TTN: variants seen among roughly 807,000 people sequenced by gnomAD.
TTN encodes connectin.
Under a neutral mutation model 3,223.0 loss-of-function variants are expected in TTN, and 1,525 were observed. The ratio of observed to expected loss-of-function variants is 0.47; its 90% CI spans 0.45 to 0.49. The LOEUF is 0.49. Among genes scored for constraint, TTN ranks in the 20% least tolerant of loss-of-function variants. The pLI, the probability that TTN is intolerant of heterozygous loss-of-function variation, is 0.00. For synonymous variants in TTN, 14,094 were observed against 15,161.0 expected, an observed-to-expected ratio of 0.93 and a Z score of 5.17; for missense variants, 40,786 against 43,424.0, an observed-to-expected ratio of 0.94 and a Z score of 5.40.
Position 178,571,047 on chromosome 2 carries a change from T to C in TTN, c.75085A>G (p.Lys25029Glu). 6.2e-7 allele frequency: 1 copy of C among 1,612,522 alleles called. No individual in the cohort carries two copies. The highest frequency in any genetic ancestry group is 8.5e-7 in the Non-Finnish European group (1 of 1,178,770). Reference protein sequence around the residue: ...TRNSVTLQWKKPTYDGGSKIT... With the variant: ...TRNSVTLQWKEPTYDGGSKIT... ...TTGCTTCCACCGTCATAGGTGGGTT[T>C]CTTCCACTGAAGAGTCACAGAATTC... is the stretch of plus-strand genomic sequence containing the variant. Residue 25029 changes from lysine (K) to glutamate (E), a missense_variant, in exon 326 of 363, where the codon AAA becomes GAA. Transcript: ENST00000589042.
chr2:178,613,557 A>C (rs1281287587), intron 263 of TTN, among the ~76,000 whole-genome samples, 194 bp downstream of exon 263: 1 of 152,000 alleles, frequency 6.6e-6, no homozygotes. Flanking sequence ...TTAATATTTT[A>C]GAGTAAACTA....
rs774603975 is a variant in TTN, at chr2:178,722,955, AC to A, written c.21962-19del. 1.2e-6 allele frequency: 2 copies of A among 1,600,048 alleles called. No individual in the cohort carries two copies. The highest frequency in any genetic ancestry group is 1.7e-6 in the Non-Finnish European group (2 of 1,174,254). On this transcript the variant is annotated intron_variant, in intron 75 of 362. Coordinates refer to ENST00000589042, the MANE Select transcript of TTN (RefSeq NM_001267550.2). ...AGGCGGTTCTAAGGAAGAAAGGCTC[AC>A]AGTTAGCAACTGGAATTAATGAATA... is the stretch of plus-strand genomic sequence containing the variant.
rs768686613 is a variant in TTN at position 178,740,366 on chromosome 2, G to A, written c.12867C>T (p.Pro4289=). 8 of 1,613,416 alleles carry A rather than the reference G, an allele frequency of 5.0e-6. No homozygotes were observed. Among genetic ancestry groups the A allele is most frequent in the South Asian group, 1.1e-5 (1 of 91,058 alleles). The change falls in exon 48 of 363, where the codon CCC becomes CCT. Residue 4289 remains proline, a synonymous_variant. Coordinates refer to ENST00000589042, the MANE Select transcript of TTN (RefSeq NM_001267550.2). The part of the protein sequence containing the change: ...DVMISQVNYE[P]LVPSEHSCTE... ...TGCATGAGTGTTCTGAAGGGACTAGGGGCTCATAGTTTACCTGAGAGATCA... is the reference window on the plus strand; with the variant it reads ...TGCATGAGTGTTCTGAAGGGACTAGAGGCTCATAGTTTACCTGAGAGATCA...
rs747713653 is a variant in TTN at position 178,729,390 on chromosome 2, G to A, written c.18766C>T (p.Leu6256Phe). 3 of 1,613,472 alleles carry A rather than the reference G, an allele frequency of 1.9e-6. No individual in the cohort carries two copies. The highest frequency in any genetic ancestry group is 3.3e-5 in the Admixed American group (2 of 59,956). ...GAAGGGTCACACTTGGTTATATGGA[G>A]GTTAAACACAGACACTCTGTCGGTC... ...TLTDRVSVFN[L>F]HITKCDPSDT... Residue 6256 changes from leucine (L) to phenylalanine (F), a missense_variant, in exon 64 of 363, where the codon CTC becomes TTC. Transcript: ENST00000589042.
rs794729517 is a variant in TTN, at chr2:178,560,237, C to G, written c.85895G>C (p.Gly28632Ala). 1 of 1,613,624 alleles carries G rather than the reference C, an allele frequency of 6.2e-7. No homozygotes were observed. Among genetic ancestry groups the G allele is most frequent in the African/African-American group, 1.3e-5 (1 of 74,886 alleles). The change falls in exon 326 of 363, where the codon GGC becomes GCC. Residue 28632 changes from glycine to alanine, a missense_variant. Transcript: ENST00000589042. ...EYRVYAENAA[G>A]LSLPSETSPL... is the part of the protein sequence containing the mutation. The stretch of plus-strand genomic sequence containing the variant: ...AGAGGTTTCACTTGGAAGACTTAGG[C>G]CAGCAGCATTTTCTGCATAAACACG...
intron 102 of TTN, among the ~76,000 whole-genome samples, chr2:178,705,894 C>T (rs532842383): frequency 6.6e-6 from 1 of 152,290 alleles, no homozygotes; most frequent in South Asian, 2.1e-4. Context: ...TACCTAGGCA[C>T]AGACAATACT....
In TTN at chr2:178,614,658, G is replaced by T. The variant is rs1033904978; in HGVS notation, c.48856C>A (p.Pro16286Thr). Reference sequence around the variant, plus strand: ...TTTGTCCAAGTTATTTTAGGTTCAGGTTTTCCGGTTACGGTGGCAGGAAGT... The same window carrying T: ...TTTGTCCAAGTTATTTTAGGTTCAGTTTTTCCGGTTACGGTGGCAGGAAGT... ...IELPATVTGK[P>T]EPKITWTKAD... is the part of the protein sequence containing the mutation. The change falls in exon 261 of 363, where the codon CCT (proline) becomes ACT (threonine). Residue 16286 changes from proline (P) to threonine (T), a missense_variant. Coordinates refer to ENST00000589042, the MANE Select transcript of TTN (RefSeq NM_001267550.2). 1 of 1,612,348 alleles carries T rather than the reference G, an allele frequency of 6.2e-7. No homozygotes were observed. The highest frequency in any genetic ancestry group is 1.3e-5 in the African/African-American group (1 of 74,902).
At chr2:178,787,197 A>G (rs986142022) in intron 13 of TTN, among the ~76,000 whole-genome samples, 1 of 152,162 alleles carries the variant, frequency 6.6e-6, no homozygotes, top group Admixed American at 6.5e-5. Flanking sequence ...ATATCTTTAA[A>G]AATTATTCTC....
chr2:178,588,496 T>C (rs1430020403), intron 304 of TTN, 42 bp downstream of exon 304: 4 of 1,492,222 alleles, frequency 2.7e-6, no homozygotes, highest in Non-Finnish European at 3.6e-6. Context: ...GTGCTTGAGA[T>C]TAAGAGTTGC....
At chr2:178,690,967 G>T (rs1041503847) in intron 121 of TTN, among the ~76,000 whole-genome samples, 2 of 152,070 alleles carry the variant, frequency 1.3e-5, no homozygotes, top group Non-Finnish European at 2.9e-5. Flanking sequence ...GCTTTGTATG[G>T]GGAAATGTAG....
Position 178,764,303 on chromosome 2 carries a change from C to T in TTN, c.9989-1G>A, listed in dbSNP as rs1419922472. ...TGATCAGGAGACACAACTTCTGGAACTAAAGAAAGAAACCACAAGATTTGT... is the reference window on the plus strand; with the variant it reads ...TGATCAGGAGACACAACTTCTGGAATTAAAGAAAGAAACCACAAGATTTGT... On this transcript the variant is annotated splice_acceptor_variant, in intron 42 of 362. Transcript: ENST00000589042. LOFTEE classifies it high-confidence loss of function. 2 of 1,613,826 alleles carry T rather than the reference C, an allele frequency of 1.2e-6. No homozygotes were observed. The highest frequency in any genetic ancestry group is 1.7e-6 in the Non-Finnish European group (2 of 1,179,912).
In TTN at chr2:178,580,077, C is replaced by T. The variant is rs369257896; in HGVS notation, c.67210G>A (p.Val22404Met). ...RDAERKSWST[V>M]TTECSKTSFR... ...CTTGTTTTGGAGCACTCAGTTGTCA[C>T]TGTAGACCAGGATTTCCTCTCTGCA... The change falls in exon 318 of 363, where the codon GTG (valine) becomes ATG (methionine). Residue 22404 changes from valine to methionine, a missense_variant. Coordinates refer to ENST00000589042, the MANE Select transcript of TTN (RefSeq NM_001267550.2). 8.9e-5 allele frequency: 143 copies of T among 1,613,224 alleles called. No homozygotes were observed. Among genetic ancestry groups the T allele is most frequent in the Non-Finnish European group, 1.2e-4 (141 of 1,179,482 alleles).
rs1405929725 is a variant in TTN at position 178,719,625 on chromosome 2, T to A, written c.23867A>T (p.Lys7956Ile). The A allele has an allele frequency of 6.2e-7, 1 of 1,613,594 alleles. No homozygotes were observed. The highest frequency in any genetic ancestry group is 8.5e-7 in the Non-Finnish European group (1 of 1,179,726). Residue 7956 changes from lysine to isoleucine, a missense_variant, in exon 82 of 363, where the codon AAA (lysine) becomes ATA (isoleucine). By Grantham distance (102) the Lys-to-Ile change is moderately radical (BLOSUM62 -3). Coordinates refer to ENST00000589042, the MANE Select transcript of TTN (RefSeq NM_001267550.2). ...LKIPCAEMSDKGLYSFEVKNS... is the reference protein window; with the variant it reads ...LKIPCAEMSDIGLYSFEVKNS... The stretch of plus-strand genomic sequence containing the variant: ...TTTCACTTCAAAGCTATATAATCCT[T>A]TGTCACTCATTTCGGCACAGGGGAT...
rs1415718775 is a variant in TTN, at chr2:178,564,849, C to T, written c.81283G>A (p.Glu27095Lys). 1.2e-6 allele frequency: 2 copies of T among 1,613,254 alleles called. No individual in the cohort carries two copies. The highest frequency in any genetic ancestry group is 1.1e-5 in the South Asian group (1 of 91,000). Residue 27095 changes from glutamate to lysine, a missense_variant, in exon 326 of 363, where the codon GAG becomes AAG. By Grantham distance (56) the Glu-to-Lys change is moderately conservative (BLOSUM62 1). Transcript: ENST00000589042. Reference protein sequence around the residue: ...SKDQMLVQWHEPVNDGGTKII... With the variant: ...SKDQMLVQWHKPVNDGGTKII... Reference sequence around the variant, plus strand: ...TTGGTGCCTCCATCATTCACTGGCTCATGCCATTGCACAAGCATCTGATCT... The same window carrying T: ...TTGGTGCCTCCATCATTCACTGGCTTATGCCATTGCACAAGCATCTGATCT...
In TTN at chr2:178,527,326, A is replaced by G; in HGVS notation, c.107681-19T>C. The G allele has an allele frequency of 1.3e-6, 2 of 1,576,612 alleles. No individual in the cohort carries two copies. Among genetic ancestry groups the G allele is most frequent in the Non-Finnish European group, 1.7e-6 (2 of 1,162,702 alleles). Reference sequence around the variant, plus strand: ...GGAATTCCTTTATGGAACAATGACAAAAAAAAGGTCTTAGAATCACTGAAA... The same window carrying G: ...GGAATTCCTTTATGGAACAATGACAGAAAAAAGGTCTTAGAATCACTGAAA... On this transcript the variant is annotated intron_variant, in intron 362 of 362. Transcript: ENST00000589042.
At chr2:178,685,674 C>G in intron 127 of TTN, 76 bp from the exon 128 acceptor site, 1 of 1,427,524 alleles carries the variant, frequency 7.0e-7, no homozygotes, top group Non-Finnish European at 9.6e-7. Context: ...TTTATCACTT[C>G]AAAGAGTAAT....
intron 147 of TTN, 71 bp from the exon 148 acceptor site, chr2:178,676,066 C>T (rs2068023180): frequency 2.8e-6 from 4 of 1,436,760 alleles, no homozygotes; most frequent in East Asian, 2.5e-5. Context: ...GAAGACCCCA[C>T]ACCCAGAAAG....
chr2:178,796,547 C>T (rs958737633), intron 6 of TTN, among the ~76,000 whole-genome samples: 1 of 152,074 alleles, frequency 6.6e-6, no homozygotes, highest in Non-Finnish European at 1.5e-5. Context: ...TGTAATCAAA[C>T]TAAAGGGAAA....
intron 270 of TTN, 79 bp downstream of exon 270, chr2:178,610,914 T>C (rs1382720725): frequency 1.3e-6 from 2 of 1,547,944 alleles, no homozygotes; most frequent in East Asian, 2.3e-5. Context: ...AAGCCAATTA[T>C]ATTATTAATA....
Sources: gnomAD v4.1 joint callset for allele counts (sites outside exome capture counted in the v4.1 genomes callset) on GRCh38, gnomAD v4.1.1 for gene constraint, MANE v1.5 for transcripts, NCBI Gene and HGNC (gene_info 2026-07-23, HGNC 2026-07-21) for gene names.